ZNG1A: variants seen among roughly 807,000 people sequenced by gnomAD.
The protein encoded by ZNG1A is zinc-regulated GTPase metalloprotein activator 1A.
the ZNG1A span, among the ~76,000 whole-genome samples, chr9:174,671 C>G: frequency 6.6e-6 from 1 of 150,412 alleles, no homozygotes; most frequent in Non-Finnish European, 1.5e-5. Context: ...AACTGGCTTC[C>G]CATCCTGTTC....
At chr9:178,705 A>G in the ZNG1A span, 1 of 1,033,080 alleles carries the variant, frequency 9.7e-7, no homozygotes, top group East Asian at 2.6e-5. Context: ...CCTCGAAGAC[A>G]TTTGCTCTTG....
At chr9:131,830 A>C in the ZNG1A span, among the ~76,000 whole-genome samples, 1 of 149,570 alleles carries the variant, frequency 6.7e-6, no homozygotes, top group African/African-American at 2.5e-5. Flanking sequence ...TCTAGCTTAC[A>C]TAACACTCCT....
At chr9:126,673 T>G in the ZNG1A span, among the ~76,000 whole-genome samples, 1 of 152,096 alleles carries the variant, frequency 6.6e-6, no homozygotes, top group East Asian at 1.9e-4. Flanking sequence ...TTCATTTATC[T>G]TTTGGATTTT....
chr9:155,885 G>C, the ZNG1A span, among the ~76,000 whole-genome samples: 1 of 144,858 alleles, frequency 6.9e-6, no homozygotes, highest in Non-Finnish European at 1.5e-5. Flanking sequence ...CGGGTGGATC[G>C]AGCTGGTCTC....
At chr9:147,180 G>GAAAAAAAAAA in the ZNG1A span, 2 of 99,234 alleles carry the variant, frequency 2.0e-5, no homozygotes, top group Non-Finnish European at 3.7e-5. Flanking sequence ...CGCCTCAAAA[G>GAAAAAAAAAA]AAAAAAAAAA....
At chr9:146,238 T>G in the ZNG1A span, 475 of 1,563,990 alleles carry the variant, frequency 3.0e-4, 2 homozygotes, top group African/African-American at 6.2e-3. Context: ...AACTCTGACT[T>G]AAAAAATTTT....
chr9:174,324 G>C, the ZNG1A span, among the ~76,000 whole-genome samples: 1 of 151,902 alleles, frequency 6.6e-6, no homozygotes, highest in East Asian at 1.9e-4. Flanking sequence ...AGCCCACTAA[G>C]CAAATGAGCT....
the ZNG1A span, among the ~76,000 whole-genome samples, chr9:143,620 T>G: frequency 7.8e-6 from 1 of 127,492 alleles, no homozygotes; most frequent in Admixed American, 8.3e-5. Flanking sequence ...AAGCATTCCC[T>G]TTGAAAATGG....
the ZNG1A span, among the ~76,000 whole-genome samples, chr9:138,952 T>G: frequency 0.021 from 3,047 of 148,622 alleles, 53 homozygotes; most frequent in Non-Finnish European, 0.031. Context: ...GAATTAGAAC[T>G]CTCAAATGTA....
the ZNG1A span, among the ~76,000 whole-genome samples, chr9:168,247 TTTTA>T: frequency 7.0e-6 from 1 of 142,066 alleles, no homozygotes; most frequent in Admixed American, 7.0e-5. Flanking sequence ...CAGACTTATT[TTTTA>T]TTTATTTATT....
the ZNG1A span, chr9:161,608 A>T: frequency 7.8e-7 from 1 of 1,286,706 alleles, no homozygotes; most frequent in South Asian, 1.2e-5. Flanking sequence ...GGAACGGGTC[A>T]GTGGGTGGGA....
the ZNG1A span, chr9:156,664 C>T: frequency 1.1e-6 from 1 of 902,968 alleles, no homozygotes; most frequent in Non-Finnish European, 1.6e-6. Context: ...ATACATAAAT[C>T]CAAAACTAAC....
At chr9:138,541 G>GA in the ZNG1A span, among the ~76,000 whole-genome samples, 33,266 of 139,072 alleles carry the variant, frequency 0.24, 4,195 homozygotes, top group East Asian at 0.42. Context: ...ACTGAAGGTG[G>GA]AAAAAAAAAA....
At chr9:174,773 T>C in the ZNG1A span, among the ~76,000 whole-genome samples, 1 of 151,260 alleles carries the variant, frequency 6.6e-6, no homozygotes, top group Non-Finnish European at 1.5e-5. Flanking sequence ...TGGCTAGAAG[T>C]AAGCTTTGAT....
the ZNG1A span, chr9:154,066 T>G: frequency 6.6e-6 from 1 of 152,108 alleles, no homozygotes; most frequent in African/African-American, 2.4e-5. Context: ...AAATGACTGT[T>G]AGCACATATT....
chr9:167,097 A>AC, the ZNG1A span: 2 of 137,622 alleles, frequency 1.5e-5, no homozygotes, highest in Non-Finnish European at 3.3e-5. Flanking sequence ...GGCATTTTAG[A>AC]TTAAAAAAAA....
the ZNG1A span, among the ~76,000 whole-genome samples, chr9:168,474 G>T: frequency 6.6e-6 from 1 of 150,894 alleles, no homozygotes. Context: ...GGCTGGTCTT[G>T]AACTCCTGAA....
chr9:142,874 C>A, the ZNG1A span, among the ~76,000 whole-genome samples: 1 of 97,830 alleles, frequency 1.0e-5, no homozygotes, highest in Admixed American at 1.1e-4. Context: ...CACCACCGAT[C>A]CCACAGAAAT....
At chr9:137,320 C>T in the ZNG1A span, among the ~76,000 whole-genome samples, 1 of 149,356 alleles carries the variant, frequency 6.7e-6, no homozygotes, top group African/African-American at 2.5e-5. Flanking sequence ...GACATCGCAC[C>T]ACTGCACTCT....
Sources: gnomAD v4.1 joint callset for allele counts (sites outside exome capture counted in the v4.1 genomes callset) on GRCh38, gnomAD v4.1.1 for gene constraint, MANE v1.5 for transcripts, NCBI Gene and HGNC (gene_info 2026-07-23, HGNC 2026-07-21) for gene names.